The following KIF9 variants were observed in gnomAD, a reference collection of about 807,000 sequenced individuals.
KIF9 encodes the protein kinesin family member 9, also known as kinesin-like protein KIF9.
In KIF9, 68 loss-of-function variants were observed where a neutral mutation model predicts 94.8. The observed-to-expected ratio is 0.72, with a 90% confidence interval of 0.59 to 0.88. KIF9 has a LOEUF of 0.88. KIF9 is among the 40% of genes least tolerant of loss of function. The pLI is 0.00. For synonymous variants in KIF9, 343 were observed against 362.1 expected, an observed-to-expected ratio of 0.95 and a Z score of 0.60; for missense variants, 882 against 982.5, an observed-to-expected ratio of 0.90 and a Z score of 1.37.
intron 17 of KIF9, chr3:47,240,264 GAGATA>G (rs1190192853): frequency 4.3e-6 from 1 of 232,534 alleles, no homozygotes; most frequent in Non-Finnish European, 8.7e-6. Flanking sequence ...CCAGCTCTAG[GAGATA>G]AGACTCTGAC....
rs143228497 is a variant in KIF9, at chr3:47,246,165, G to A, written c.1289+32C>T. ...CAGGAGATGAAAATGGCAGCCTGATGTAGGAATGAGGTAGGGGTGGGGGTC... is the reference window on the plus strand; with the variant it reads ...CAGGAGATGAAAATGGCAGCCTGATATAGGAATGAGGTAGGGGTGGGGGTC... On this transcript the variant is annotated intron_variant, in intron 13 of 20. Coordinates refer to ENST00000684063, the MANE Select transcript of KIF9 (RefSeq NM_182902.4). The A allele has an allele frequency of 2.1e-5, 33 of 1,595,942 alleles. No homozygotes were observed. In the East Asian group the frequency reaches 5.1e-4, roughly 25 times the overall value.
intron 17 of KIF9, chr3:47,238,652 C>T (rs889274096): frequency 6.6e-6 from 1 of 151,294 alleles, no homozygotes; most frequent in African/African-American, 2.4e-5. Flanking sequence ...TTTTTTAATA[C>T]TGATAAATTT....
intron 10 of KIF9, 41 bp from the exon 11 acceptor site, chr3:47,248,127 T>A (rs562982682): frequency 6.8e-7 from 1 of 1,466,574 alleles, no homozygotes; most frequent in South Asian, 1.2e-5. Flanking sequence ...ACAGGAAGGA[T>A]CATCAGAGAA....
intron 16 of KIF9, among the ~76,000 whole-genome samples, chr3:47,241,678 C>T (rs1575955668): frequency 6.9e-6 from 1 of 143,938 alleles, no homozygotes; most frequent in Non-Finnish European, 1.5e-5. Flanking sequence ...TGTGTATATA[C>T]ATATATGCAT....
At chr3:47,253,290 G>A (rs967128780) in intron 10 of KIF9, among the ~76,000 whole-genome samples, 2 of 151,990 alleles carry the variant, frequency 1.3e-5, no homozygotes, top group African/African-American at 4.8e-5. Flanking sequence ...CGAGTAGCTA[G>A]GATTACAGGC....
chr3:47,245,609 G>T, intron 13 of KIF9, 98 bp from the exon 14 acceptor site: 2 of 883,594 alleles, frequency 2.3e-6, no homozygotes, highest in South Asian at 2.7e-5. Flanking sequence ...TATGGGTGAG[G>T]CCCCTTGTGT....
chr3:47,236,269 T>C (rs1019835078), intron 18 of KIF9, 120 bp from the exon 19 acceptor site: 2 of 986,912 alleles, frequency 2.0e-6, no homozygotes, highest in Admixed American at 2.0e-5. Context: ...TCTTACCCTG[T>C]CCCCATCTCC....
At chr3:47,272,084 C>T (rs996976695) in intron 4 of KIF9, among the ~76,000 whole-genome samples, 5 of 152,046 alleles carry the variant, frequency 3.3e-5, no homozygotes, top group African/African-American at 1.2e-4. Flanking sequence ...CACGCCACTG[C>T]ACTCCAGCCT....
chr3:47,282,404 A>G (rs1323526294), intron 1 of KIF9, 91 bp downstream of exon 1: 18 of 986,194 alleles, frequency 1.8e-5, no homozygotes, highest in African/African-American at 3.5e-5. Flanking sequence ...CCCCAGATAA[A>G]GCGGTTTTTG....
chr3:47,235,555 A>T lies in KIF9; in HGVS notation c.2280T>A (p.Asp760Glu). The change falls in exon 20 of 21, where the codon GAT (aspartate) becomes GAA (glutamate). Residue 760 changes from aspartate (D) to glutamate (E), a missense_variant. Physicochemically the swap from Asp to Glu is conservative, Grantham distance 45 (BLOSUM62 2). Coordinates refer to ENST00000684063, the MANE Select transcript of KIF9 (RefSeq NM_182902.4). ...CTTTGGCATTGTAGAAGGAGATGGA[A>T]TCAGGGCCCTCAGGAAGCACCCTCT... ...LQQRVLPEGP[D>E]SISFYNAKVK... 1 of 1,614,140 alleles carries T rather than the reference A, an allele frequency of 6.2e-7. No homozygotes were observed. Among genetic ancestry groups the T allele is most frequent in the East Asian group, 2.2e-5 (1 of 44,876 alleles).
intron 1 of KIF9, chr3:47,282,141 T>C: frequency 1.0e-6 from 1 of 968,194 alleles, no homozygotes; most frequent in Non-Finnish European, 1.2e-6. Context: ...TTTCCTCACC[T>C]GTAACACGAA....
At chr3:47,257,364 C>T (rs1700686588) in intron 10 of KIF9, 119 bp downstream of exon 10, 2 of 872,944 alleles carry the variant, frequency 2.3e-6, no homozygotes, top group Admixed American at 1.8e-5. Flanking sequence ...AAGGGCTGAC[C>T]CAGGGCTGCA....
rs115169242 is a variant in KIF9, at chr3:47,239,744, C to T, written c.1924+1057G>A. ...CTAGGATTACAAGTGTGTGCCACCA[C>T]GCCCTGCTCCTCTGAGAAATAAATG... is the stretch of plus-strand genomic sequence containing the variant. On this transcript the variant is annotated intron_variant, in intron 17 of 20. Coordinates refer to ENST00000684063, the MANE Select transcript of KIF9 (RefSeq NM_182902.4). 1.5e-3 allele frequency: 1,897 copies of T among 1,302,484 alleles called. 24 individuals are homozygous for T. In the African/African-American group the frequency reaches 0.023, roughly 16 times the overall value. The allele number at this position is 1,302,484 out of a possible 1,614,324, so 80.7% of individuals were successfully genotyped here. A position where few individuals can be genotyped will look rare whatever the true frequency, so the allele number is the denominator to read the frequency against.
At chr3:47,269,678 T>C (rs181574650) in intron 5 of KIF9, among the ~76,000 whole-genome samples, 55 of 152,182 alleles carry the variant, frequency 3.6e-4, no homozygotes, top group African/African-American at 9.6e-4. Flanking sequence ...CTCAGCTCAC[T>C]GCAGCCTCTG....
chr3:47,281,472 C>G (rs1482717024), intron 1 of KIF9, among the ~76,000 whole-genome samples: 1 of 152,198 alleles, frequency 6.6e-6, no homozygotes, highest in Non-Finnish European at 1.5e-5. Flanking sequence ...CTCAGCCCCG[C>G]AAGTAGCTAG....
At position 47,256,100 on chromosome 3, in the gene KIF9, C is replaced by T. The variant is rs934202936; in HGVS notation, c.1059+1383G>A. ...AGGCTGGAGTGCAGTGGCGTGATCTCGGCTCGCTACAACTTCCACCTCCCA... is the reference window on the plus strand; with the variant it reads ...AGGCTGGAGTGCAGTGGCGTGATCTTGGCTCGCTACAACTTCCACCTCCCA... On this transcript the variant is annotated intron_variant, in intron 10 of 20. Coordinates refer to ENST00000684063, the MANE Select transcript of KIF9 (RefSeq NM_182902.4). Among the ~76,000 whole-genome samples, 10 of 152,224 alleles carry T rather than the reference C, an allele frequency of 6.6e-5. 1 individual carries two copies. The highest frequency in any genetic ancestry group is 2.0e-4 in the Admixed American group (3 of 15,290).
At chr3:47,259,024 C>T (rs1025772915) in intron 9 of KIF9, among the ~76,000 whole-genome samples, 1 of 152,298 alleles carries the variant, frequency 6.6e-6, no homozygotes, top group East Asian at 1.9e-4. Flanking sequence ...AAACTTTACC[C>T]TGTGAAGACA....
chr3:47,232,346 G>A lies in KIF9; in HGVS notation c.2322+3167C>T, dbSNP rs1698655893. Among the ~76,000 whole-genome samples the A allele has an allele frequency of 3.9e-5, 6 of 151,920 alleles. 1 individual carries two copies. The South Asian group carries it at 1.2e-3, about 31-fold the overall frequency. ...GTCACCCAGGCTGGAGTGCAGTGGT[G>A]CGATCTCAGCTCACCGCAACCTCCA... On this transcript the variant is annotated intron_variant, in intron 20 of 20. Transcript: ENST00000684063.
intron 1 of KIF9, among the ~76,000 whole-genome samples, chr3:47,278,325 C>T (rs1389557054): frequency 6.6e-6 from 1 of 152,126 alleles, no homozygotes; most frequent in Non-Finnish European, 1.5e-5. Context: ...ATCCTCCTAT[C>T]TTAGACTTCC....
Sources: allele counts gnomAD v4.1 joint callset (sites outside exome capture counted in the v4.1 genomes callset), GRCh38; gene constraint gnomAD v4.1.1; transcripts MANE v1.5; gene names NCBI Gene and HGNC (gene_info 2026-07-23, HGNC 2026-07-21).